Variants in TCF7L1 observed in about 807,000 individuals in gnomAD.
The protein encoded by TCF7L1 is transcription factor 7 like 1, also known as transcription factor 7-like 1.
In TCF7L1, 18 loss-of-function variants were observed where a neutral mutation model predicts 63.7. The ratio of observed to expected loss-of-function variants is 0.28; its 90% confidence interval spans 0.20 to 0.42. The LOEUF (loss-of-function observed/expected upper bound fraction) is 0.42, where lower values mean the gene tolerates loss of function less well. Ranked by LOEUF, TCF7L1 falls within the 10% of genes least tolerant of loss-of-function variation. The pLI is 1.00. For synonymous variants in TCF7L1, 355 were observed against 340.9 expected (o/e 1.04, Z -0.46); for missense variants, 654 against 779.3 (o/e 0.84, Z 1.91).
At chr2:85,159,396 G>C (rs1678228198) in intron 3 of TCF7L1, among the ~76,000 whole-genome samples, 1 of 152,200 alleles carries the variant, frequency 6.6e-6, no homozygotes, top group African/African-American at 2.4e-5. Flanking sequence ...GGGCTACTCA[G>C]GGACCAGTTG....
At chr2:85,207,175 A>G (rs527439104) in intron 3 of TCF7L1, among the ~76,000 whole-genome samples, 7 of 152,310 alleles carry the variant, frequency 4.6e-5, no homozygotes, top group African/African-American at 1.4e-4. Context: ...CATCCCTTCT[A>G]TAAATCTTGT....
Position 85,133,890 on chromosome 2 carries a change from T to C in TCF7L1, c.206T>C (p.Leu69Pro). The part of the protein sequence containing the change: ...QRDLDEVKSS[L>P]VNESENQSSS... The stretch of plus-strand genomic sequence containing the variant: ...GACCTAGACGAGGTCAAGTCGTCCC[T>C]GGTCAACGAGTCGGAGAACCAGAGC... The change falls in exon 1 of 12, where the codon CTG (leucine) becomes CCG (proline). Residue 69 changes from leucine (L) to proline (P), a missense_variant. Transcript: ENST00000282111. The surrounding 1 kb of genome is among the most constrained non-coding windows in gnomAD (Gnocchi z 4.4). 1 of 1,521,490 alleles carries C rather than the reference T, an allele frequency of 6.6e-7. No individual in the cohort carries two copies. Among genetic ancestry groups the C allele is most frequent in the Non-Finnish European group, 8.8e-7 (1 of 1,131,636 alleles). The allele number at this position is 1,521,490 out of a possible 1,614,324, so 94.2% of individuals were successfully genotyped here.
intron 3 of TCF7L1, among the ~76,000 whole-genome samples, chr2:85,205,827 T>C (rs11126984): frequency 0.21 from 31,631 of 152,224 alleles, 4,112 homozygotes; most frequent in Non-Finnish European, 0.3. Flanking sequence ...AGCCTCCATA[T>C]TCTTTATTCT....
intron 3 of TCF7L1, among the ~76,000 whole-genome samples, chr2:85,257,938 A>G (rs1680759810): frequency 6.6e-6 from 1 of 152,212 alleles, no homozygotes; most frequent in South Asian, 2.1e-4. Flanking sequence ...TTTTTAGGCC[A>G]TGAGACTCAG....
At chr2:85,178,435 A>ACTAT (rs1403671146) in intron 3 of TCF7L1, among the ~76,000 whole-genome samples, 11 of 151,942 alleles carry the variant, frequency 7.2e-5, no homozygotes, top group African/African-American at 2.7e-4. Flanking sequence ...CTTAATTCAC[A>ACTAT]CTATTTACTG....
At chr2:85,271,949 C>A (rs1681161528) in intron 3 of TCF7L1, among the ~76,000 whole-genome samples, 1 of 152,176 alleles carries the variant, frequency 6.6e-6, no homozygotes, top group African/African-American at 2.4e-5. Context: ...GGGATCCCTT[C>A]ATTTCTGTCA....
chr2:85,164,615 TC>T (rs1678372940), intron 3 of TCF7L1, among the ~76,000 whole-genome samples: 1 of 152,134 alleles, frequency 6.6e-6, no homozygotes, highest in African/African-American at 2.4e-5. Flanking sequence ...TCAGGGAAGC[TC>T]CAAAAACCTG....
intron 3 of TCF7L1, chr2:85,167,232 A>G (rs1678439390): frequency 6.5e-6 from 1 of 153,242 alleles, no homozygotes; most frequent in Non-Finnish European, 1.5e-5. Flanking sequence ...GATTCCAGCA[A>G]TGTGGGACTG....
chr2:85,176,490 G>A (rs1678679937), intron 3 of TCF7L1, among the ~76,000 whole-genome samples: 1 of 152,150 alleles, frequency 6.6e-6, no homozygotes, highest in South Asian at 2.1e-4. Context: ...TCCACTGTCT[G>A]GAGTCCCCAT....
chr2:85,234,473 A>G (rs1680154180), intron 3 of TCF7L1, among the ~76,000 whole-genome samples: 1 of 152,120 alleles, frequency 6.6e-6, no homozygotes, highest in African/African-American at 2.4e-5. Flanking sequence ...ATTTTGGTAG[A>G]AACTCTGCCT....
At chr2:85,201,685 T>C (rs1407010745) in intron 3 of TCF7L1, among the ~76,000 whole-genome samples, 1 of 152,192 alleles carries the variant, frequency 6.6e-6, no homozygotes, top group Non-Finnish European at 1.5e-5. Context: ...CCAGCCTGTT[T>C]TCCAAAATGG....
chr2:85,292,560 G>A (rs1346340284), intron 4 of TCF7L1, among the ~76,000 whole-genome samples: 1 of 152,100 alleles, frequency 6.6e-6, no homozygotes, highest in African/African-American at 2.4e-5. Context: ...TAGACTTTAT[G>A]TCTTAAGTTA....
At chr2:85,246,416 CACACAGCTCCA>C (rs1680465591) in intron 3 of TCF7L1, among the ~76,000 whole-genome samples, 1 of 152,264 alleles carries the variant, frequency 6.6e-6, no homozygotes, top group African/African-American at 2.4e-5. Flanking sequence ...GCTCACCTCC[CACACAGCTCCA>C]CCCACATATT....
At chr2:85,194,916 T>C (rs1419974401) in intron 3 of TCF7L1, among the ~76,000 whole-genome samples, 1 of 152,150 alleles carries the variant, frequency 6.6e-6, no homozygotes, top group African/African-American at 2.4e-5. Flanking sequence ...AATACATGAG[T>C]AGTCCTTATT....
rs549608521 is a variant in TCF7L1 at position 85,249,887 on chromosome 2, G to A, written c.442-33608G>A. Among the ~76,000 whole-genome samples the A allele has an allele frequency of 6.6e-5, 10 of 152,270 alleles. No individual in the cohort carries two copies. The South Asian group carries it at 1.7e-3, about 25-fold the overall frequency. Reference sequence around the variant, plus strand: ...GCCTCAGTTTCCTCATCTGTGAAAAGGTGATAACATTATTTCTTTATCCCA... The same window carrying A: ...GCCTCAGTTTCCTCATCTGTGAAAAAGTGATAACATTATTTCTTTATCCCA... On this transcript the variant is annotated intron_variant, in intron 3 of 11. Transcript: ENST00000282111.
rs113358687 is a variant in TCF7L1 at position 85,285,348 on chromosome 2, A to C, written c.525+1770A>C. ...GGTGCAGGGAGCCTGTATGATTTCCAGTAATCAGGAGACCTGCTCCTGTGG... is the reference window on the plus strand; with the variant it reads ...GGTGCAGGGAGCCTGTATGATTTCCCGTAATCAGGAGACCTGCTCCTGTGG... On this transcript the variant is annotated intron_variant, in intron 4 of 11. Coordinates refer to ENST00000282111, the MANE Select transcript of TCF7L1 (RefSeq NM_031283.3). Among the ~76,000 whole-genome samples, 58 of 152,326 alleles carry C rather than the reference A, an allele frequency of 3.8e-4. 2 individuals are homozygous for C. The highest frequency in any genetic ancestry group is 1.3e-3 in the African/African-American group (56 of 41,576).
chr2:85,216,361 C>T (rs1033780770), intron 3 of TCF7L1, among the ~76,000 whole-genome samples: 3 of 152,006 alleles, frequency 2.0e-5, no homozygotes, highest in Non-Finnish European at 4.4e-5. Flanking sequence ...GCAATTTGCC[C>T]GTTTCCGCTG....
At chr2:85,254,685 T>A (rs562249919) in intron 3 of TCF7L1, among the ~76,000 whole-genome samples, 1 of 152,222 alleles carries the variant, frequency 6.6e-6, no homozygotes, top group African/African-American at 2.4e-5. Context: ...TCTGTTTCCG[T>A]TGGGGGCTCT....
intron 3 of TCF7L1, among the ~76,000 whole-genome samples, chr2:85,257,726 C>G (rs1680752438): frequency 6.6e-6 from 1 of 152,214 alleles, no homozygotes; most frequent in East Asian, 1.9e-4. Context: ...AGCATACCCA[C>G]CAGGTGCTGC....
Sources: gnomAD v4.1 joint callset for allele counts (sites outside exome capture counted in the v4.1 genomes callset) on GRCh38, gnomAD v4.1.1 for gene constraint, Gnocchi (gnomAD v3.1) non-coding constraint, MANE v1.5 for transcripts, NCBI Gene and HGNC (gene_info 2026-07-23, HGNC 2026-07-21) for gene names.